The following EDC3 variants were observed in gnomAD, a reference collection of about 807,000 sequenced individuals.
EDC3 encodes the protein enhancer of mRNA-decapping protein 3.
In EDC3, 20 loss-of-function variants were observed where a neutral mutation model predicts 41.8. That is an observed-to-expected ratio of 0.48 (90% CI 0.34 to 0.70). The LOEUF (loss-of-function observed/expected upper bound fraction) is 0.70, where lower values mean the gene tolerates loss of function less well. Among genes scored for constraint, EDC3 ranks in the 30% least tolerant of loss-of-function variants. The pLI is 0.01. For synonymous variants in EDC3, 206 were observed against 243.2 expected, an observed-to-expected ratio of 0.85 and a Z score of 1.42; for missense variants, 444 against 636.8, an observed-to-expected ratio of 0.70 and a Z score of 3.26.
intron 4 of EDC3, among the ~76,000 whole-genome samples, chr15:74,645,783 G>A (rs1338897921): frequency 6.6e-6 from 1 of 152,034 alleles, no homozygotes; most frequent in South Asian, 2.1e-4. Context: ...GGGAGGCTGA[G>A]GTCAGGGGAG....
rs2062743791 is a variant in EDC3 at position 74,671,973 on chromosome 15, G to A, written c.165-199C>T. On this transcript the variant is annotated intron_variant, in intron 2 of 6. Transcript: ENST00000315127. This position sits in a 1 kb window ranked among gnomAD's most constrained non-coding sequence, Gnocchi z 4.6. ...GACACAATGCTAGCCTTTAAAAAGAGGCTATTGGCCGGGCACGGTGGCTCA... is the reference window on the plus strand; with the variant it reads ...GACACAATGCTAGCCTTTAAAAAGAAGCTATTGGCCGGGCACGGTGGCTCA... Among the ~76,000 whole-genome samples the A allele has an allele frequency of 6.6e-6, 1 of 152,048 alleles. No homozygotes were observed. The highest frequency in any genetic ancestry group is 6.6e-5 in the Admixed American group (1 of 15,258).
At chr15:74,634,910 C>T (rs1222556575) in intron 6 of EDC3, among the ~76,000 whole-genome samples, 2 of 152,176 alleles carry the variant, frequency 1.3e-5, no homozygotes, top group Non-Finnish European at 2.9e-5. Flanking sequence ...CTGCCCATCT[C>T]ACCAGAGTAA....
intron 1 of EDC3, among the ~76,000 whole-genome samples, chr15:74,682,825 C>T (rs1011869893): frequency 2.0e-5 from 3 of 151,532 alleles, no homozygotes; most frequent in Non-Finnish European, 4.4e-5. Context: ...GAGTTCGAGA[C>T]CAGCCTGACC....
At position 74,671,376 on chromosome 15, in the gene EDC3, G is replaced by A; in HGVS notation, c.484+79C>T. 2.1e-6 allele frequency: 3 copies of A among 1,441,068 alleles called. No individual in the cohort carries two copies. The highest frequency in any genetic ancestry group is 2.8e-6 in the Non-Finnish European group (3 of 1,058,028). The allele number at this position is 1,441,068 out of a possible 1,614,324, so 89.3% of individuals were successfully genotyped here. On this transcript the variant is annotated intron_variant, in intron 3 of 6. Coordinates refer to ENST00000315127, the MANE Select transcript of EDC3 (RefSeq NM_025083.5). The surrounding 1 kb of genome is among the most constrained non-coding windows in gnomAD (Gnocchi z 4.6). ...ATTTTATTGGAATAACAAAGGATTT[G>A]TTTAAAGAGCAGCAGTGCTTATGGC...
intron 5 of EDC3, chr15:74,636,693 A>C (rs1475286568): frequency 2.0e-5 from 3 of 152,218 alleles, no homozygotes; most frequent in Non-Finnish European, 2.9e-5. Flanking sequence ...AGCTAAGAGG[A>C]GCTTCATAAC....
rs1343143457 is a variant in EDC3, at chr15:74,632,759, T to C, written c.1380A>G (p.Ala460=). The C allele has an allele frequency of 1.2e-6, 2 of 1,614,222 alleles. No homozygotes were observed. Among genetic ancestry groups the C allele is most frequent in the Non-Finnish European group, 1.7e-6 (2 of 1,180,038 alleles). The change falls in exon 7 of 7, where the codon GCA becomes GCG. Residue 460 remains alanine, a synonymous_variant. Coordinates refer to ENST00000315127, the MANE Select transcript of EDC3 (RefSeq NM_025083.5). This position sits in a 1 kb window ranked among gnomAD's most constrained non-coding sequence, Gnocchi z 4.0. ...EQGIDAKWSL[A]LGLPLPLGEH... is the part of the protein sequence containing the mutation. ...CCCCCAGTGGCAGAGGCAGGCCCAG[T>C]GCCAGTGACCATTTGGCATCAATGC...
intron 3 of EDC3, among the ~76,000 whole-genome samples, chr15:74,665,582 A>G (rs2141636676): frequency 6.6e-6 from 1 of 152,296 alleles, no homozygotes; most frequent in African/African-American, 2.4e-5. Flanking sequence ...TGTTATGTCT[A>G]TTTGACAAAC....
intron 1 of EDC3, among the ~76,000 whole-genome samples, chr15:74,694,217 ATGT>A (rs2063040618): frequency 2.0e-5 from 3 of 152,254 alleles, no homozygotes; most frequent in Non-Finnish European, 2.9e-5. Context: ...ACATTTTCTA[ATGT>A]TGTTTTTCTT....
chr15:74,661,119 G>C (rs1003417557), intron 3 of EDC3, among the ~76,000 whole-genome samples: 1 of 152,162 alleles, frequency 6.6e-6, no homozygotes, highest in Non-Finnish European at 1.5e-5. Context: ...AAAGATACTT[G>C]TAAAGAAACT....
At chr15:74,659,487 A>AATATATATATATATATATATATAT (rs10601683) in intron 3 of EDC3, among the ~76,000 whole-genome samples, 7 of 142,178 alleles carry the variant, frequency 4.9e-5, no homozygotes, top group African/African-American at 1.6e-4. Flanking sequence ...AAAAAATAGA[A>AATATATATATATATATATATATAT]ATATATATAT....
intron 3 of EDC3, among the ~76,000 whole-genome samples, chr15:74,659,483 TAG>T (rs1297345217): frequency 7.4e-5 from 2 of 27,182 alleles, no homozygotes; most frequent in Admixed American, 1.3e-3. Context: ...AAATAAAAAA[TAG>T]AAATATATAT....
At chr15:74,667,486 G>A (rs1357595271) in intron 3 of EDC3, among the ~76,000 whole-genome samples, 2 of 60,566 alleles carry the variant, frequency 3.3e-5, no homozygotes, top group African/African-American at 6.8e-5. Context: ...GGAGGGAGGA[G>A]GAGGAGGAGG....
intron 4 of EDC3, chr15:74,641,379 T>C (rs2062349824): frequency 6.6e-6 from 1 of 152,536 alleles, no homozygotes; most frequent in Non-Finnish European, 1.5e-5. Flanking sequence ...TGGAAAATAC[T>C]TGGTTTTTCA....
At chr15:74,682,415 G>A (rs971581501) in intron 1 of EDC3, among the ~76,000 whole-genome samples, 19 of 151,462 alleles carry the variant, frequency 1.3e-4, no homozygotes, top group Admixed American at 7.9e-4. Flanking sequence ...TCAGGAGATC[G>A]AGACCATCCT....
At chr15:74,649,211 C>T (rs548641137) in intron 4 of EDC3, among the ~76,000 whole-genome samples, 210 of 151,988 alleles carry the variant, frequency 1.4e-3, no homozygotes, top group Middle Eastern at 0.01. Context: ...ACTACAGGCA[C>T]CTGCCACCAC....
chr15:74,664,375 T>G (rs190920544), intron 3 of EDC3, among the ~76,000 whole-genome samples: 1 of 152,366 alleles, frequency 6.6e-6, no homozygotes, highest in African/African-American at 2.4e-5. Context: ...CTTCCCAGAT[T>G]TCTTTACCTT....
At chr15:74,673,006 G>A (rs1210770510) in intron 2 of EDC3, among the ~76,000 whole-genome samples, 1 of 152,050 alleles carries the variant, frequency 6.6e-6, no homozygotes, top group African/African-American at 2.4e-5. Flanking sequence ...ATCTCAGGTA[G>A]GGGCTCAGAG....
intron 3 of EDC3, among the ~76,000 whole-genome samples, chr15:74,659,072 C>T (rs1244982687): frequency 6.6e-6 from 1 of 152,162 alleles, no homozygotes; most frequent in Non-Finnish European, 1.5e-5. Context: ...AGTTCTAGTT[C>T]CAATAATTTG....
chr15:74,683,560 T>G (rs1290641570), intron 1 of EDC3, among the ~76,000 whole-genome samples: 3 of 151,914 alleles, frequency 2.0e-5, no homozygotes, highest in African/African-American at 4.8e-5. Flanking sequence ...GTAATGGAAA[T>G]ATTTTACATC....
Sources: allele counts gnomAD v4.1 joint callset (sites outside exome capture counted in the v4.1 genomes callset), GRCh38; gene constraint gnomAD v4.1.1; non-coding constraint Gnocchi (gnomAD v3.1); transcripts MANE v1.5; gene names NCBI Gene and HGNC (gene_info 2026-07-23, HGNC 2026-07-21).